Variants in SMYD3 observed in about 807,000 individuals in gnomAD.
The protein encoded by SMYD3 is SET and MYND domain containing 3, also known as histone-lysine N-methyltransferase SMYD3.
Under a neutral mutation model 57.7 loss-of-function variants are expected in SMYD3, and 36 were observed. That is an observed-to-expected ratio of 0.62 (90% confidence interval 0.48 to 0.82). SMYD3 has a LOEUF of 0.82. SMYD3 is among the 40% of genes least tolerant of loss of function. The probability of loss-of-function intolerance (pLI) is 0.00; values close to 1 mark genes in which losing one functional copy is unlikely to be tolerated. For missense variants in SMYD3, 515 were observed against 538.8 expected, an observed-to-expected ratio of 0.96 and a Z score of 0.44; for synonymous variants, 211 against 195.0, an observed-to-expected ratio of 1.08 and a Z score of -0.68.
At chr1:245,862,214 T>A (rs1890817) in intron 9 of SMYD3, among the ~76,000 whole-genome samples, 84,445 of 151,936 alleles carry the variant, frequency 0.56, 26,646 homozygotes, top group Non-Finnish European at 0.73. Flanking sequence ...ACTTCCCACC[T>A]CAAACTGAAT....
intron 7 of SMYD3, among the ~76,000 whole-genome samples, chr1:245,924,992 A>G (rs2056268783): frequency 6.6e-6 from 1 of 151,966 alleles, no homozygotes; most frequent in Admixed American, 6.6e-5. Flanking sequence ...TATCTTTAAG[A>G]AGTCTCATTA....
intron 1 of SMYD3, among the ~76,000 whole-genome samples, chr1:246,504,339 C>T (rs2068503744): frequency 6.6e-6 from 1 of 152,166 alleles, no homozygotes; most frequent in Non-Finnish European, 1.5e-5. Flanking sequence ...CAGCCTGCTA[C>T]ACACCTAGGC....
intron 10 of SMYD3, among the ~76,000 whole-genome samples, chr1:245,812,019 T>C (rs1175812386): frequency 6.6e-6 from 1 of 152,198 alleles, no homozygotes; most frequent in African/African-American, 2.4e-5. Context: ...TGTTTCAAAA[T>C]TGATTTTCCA....
intron 5 of SMYD3, among the ~76,000 whole-genome samples, chr1:245,999,276 C>G (rs543181526): frequency 4.0e-5 from 6 of 151,824 alleles, no homozygotes; most frequent in African/African-American, 1.4e-4. Context: ...TTGCAAAAAG[C>G]ACACAGAATA....
At chr1:246,256,303 A>T (rs1490461855) in intron 5 of SMYD3, among the ~76,000 whole-genome samples, 2 of 110,284 alleles carry the variant, frequency 1.8e-5, no homozygotes, top group African/African-American at 5.4e-5. Flanking sequence ...TGCCTTCCCC[A>T]GCCCACTGAC....
At chr1:246,375,842 G>A (rs751676066) in intron 1 of SMYD3, among the ~76,000 whole-genome samples, 1 of 152,088 alleles carries the variant, frequency 6.6e-6, no homozygotes, top group Non-Finnish European at 1.5e-5. Flanking sequence ...CAACAATCCT[G>A]CCTCAGCCTC....
intron 10 of SMYD3, among the ~76,000 whole-genome samples, chr1:245,827,323 C>T (rs946268676): frequency 2.6e-5 from 4 of 152,154 alleles, no homozygotes; most frequent in African/African-American, 9.7e-5. Context: ...CAGAGAGCGA[C>T]ACTGAGGCCC....
intron 10 of SMYD3, among the ~76,000 whole-genome samples, chr1:245,825,064 TA>T (rs1558391230): frequency 2.0e-5 from 3 of 151,908 alleles, no homozygotes; most frequent in Admixed American, 6.6e-5. Flanking sequence ...CAGGAAAATG[TA>T]AACTCGCCAA....
chr1:245,798,433 C>T (rs1161757071), intron 10 of SMYD3, among the ~76,000 whole-genome samples: 22 of 129,222 alleles, frequency 1.7e-4, no homozygotes, highest in African/African-American at 7.0e-4. Context: ...CCCCCACACA[C>T]ATACACACAC....
At chr1:245,882,952 T>G (rs2052867897) in intron 8 of SMYD3, among the ~76,000 whole-genome samples, 2 of 152,190 alleles carry the variant, frequency 1.3e-5, no homozygotes, top group African/African-American at 2.4e-5. Context: ...AGTACACTCT[T>G]TTTAGAAAGG....
intron 5 of SMYD3, among the ~76,000 whole-genome samples, chr1:246,300,994 C>T (rs1572354333): frequency 6.6e-6 from 1 of 152,228 alleles, no homozygotes; most frequent in East Asian, 1.9e-4. Context: ...TAGAATAATG[C>T]TACCCGTCCT....
chr1:246,000,083 C>T (rs192681746), intron 5 of SMYD3, among the ~76,000 whole-genome samples: 274 of 152,292 alleles, frequency 1.8e-3, no homozygotes, highest in African/African-American at 6.0e-3. Flanking sequence ...TAATGGTTGA[C>T]TGAAGATGTT....
At chr1:246,084,479 C>A (rs1371196008) in intron 5 of SMYD3, among the ~76,000 whole-genome samples, 1 of 152,056 alleles carries the variant, frequency 6.6e-6, no homozygotes, top group Non-Finnish European at 1.5e-5. Flanking sequence ...GCCTCTCAAA[C>A]TGCTAGGGTT....
intron 1 of SMYD3, chr1:246,417,413 C>T (rs1320212939): frequency 6.6e-6 from 1 of 152,132 alleles, no homozygotes; most frequent in Non-Finnish European, 1.5e-5. Context: ...AATCCACCTC[C>T]TCGAAAGCTT....
At chr1:246,240,409 G>C (rs981308962) in intron 5 of SMYD3, among the ~76,000 whole-genome samples, 16 of 152,212 alleles carry the variant, frequency 1.1e-4, no homozygotes, top group African/African-American at 3.9e-4. Context: ...GTAGATGTGT[G>C]GTATTCTTTC....
chr1:246,096,092 G>C (rs995128073), intron 5 of SMYD3, among the ~76,000 whole-genome samples: 2 of 152,142 alleles, frequency 1.3e-5, no homozygotes, highest in Admixed American at 6.5e-5. Context: ...TGTGAGAACA[G>C]AGTAAATAAA....
intron 5 of SMYD3, among the ~76,000 whole-genome samples, chr1:246,288,397 G>A (rs1572341016): frequency 6.6e-6 from 1 of 152,206 alleles, no homozygotes; most frequent in East Asian, 1.9e-4. Context: ...CACACAACAG[G>A]AGGGAAAACC....
At chr1:245,755,338 G>C (rs528964657) in intron 11 of SMYD3, among the ~76,000 whole-genome samples, 1 of 152,244 alleles carries the variant, frequency 6.6e-6, no homozygotes, top group South Asian at 2.1e-4. Flanking sequence ...TGGTATTATA[G>C]TTACTTAAAA....
intron 5 of SMYD3, among the ~76,000 whole-genome samples, chr1:246,058,215 A>G (rs1031975636): frequency 1.3e-5 from 2 of 152,176 alleles, no homozygotes; most frequent in African/African-American, 4.8e-5. Context: ...CGCTAACAGA[A>G]GCTGAACTTT....
Sources: allele counts gnomAD v4.1 joint callset (sites outside exome capture counted in the v4.1 genomes callset), GRCh38; gene constraint gnomAD v4.1.1; transcripts MANE v1.5; gene names NCBI Gene and HGNC (gene_info 2026-07-23, HGNC 2026-07-21).